The following NTNG1 variants were observed in gnomAD, a reference collection of about 807,000 sequenced individuals.
The protein encoded by NTNG1 is netrin G1, also known as netrin-G1.
A neutral mutation model predicts 54.0 loss-of-function variants in NTNG1; 16 were observed. That is an observed-to-expected ratio of 0.30 (90% CI 0.20 to 0.45). The LOEUF (loss-of-function observed/expected upper bound fraction) is 0.45. NTNG1 is among the 20% of genes least tolerant of loss of function. The pLI is 1.00. For synonymous variants in NTNG1, 255 were observed against 263.1 expected, an observed-to-expected ratio of 0.97 and a Z score of 0.30; for missense variants, 530 against 678.7, an observed-to-expected ratio of 0.78 and a Z score of 2.43.
intron 2 of NTNG1, among the ~76,000 whole-genome samples, chr1:107,193,584 A>C (rs1179293097): frequency 6.6e-6 from 1 of 151,956 alleles, no homozygotes; most frequent in Non-Finnish European, 1.5e-5. Context: ...AGTGTACTTA[A>C]TTATGTCCTC....
intron 4 of NTNG1, 135 bp downstream of exon 4, chr1:107,395,461 G>T (rs1343841896): frequency 1.2e-6 from 1 of 846,070 alleles, no homozygotes; most frequent in Admixed American, 1.7e-5. Flanking sequence ...GAAAGTTTCA[G>T]TCCCTATCTT....
At chr1:107,321,739 A>C (rs977044630) in intron 2 of NTNG1, among the ~76,000 whole-genome samples, 1 of 152,122 alleles carries the variant, frequency 6.6e-6, no homozygotes, top group Admixed American at 6.6e-5. Context: ...CTCCAAGACA[A>C]GAAGATTAGG....
chr1:107,364,630 C>T (rs1329328169), intron 3 of NTNG1, among the ~76,000 whole-genome samples: 1 of 152,184 alleles, frequency 6.6e-6, no homozygotes, highest in Non-Finnish European at 1.5e-5. Flanking sequence ...CAAAACTGCA[C>T]CCCTTGGTTT....
chr1:107,299,084 C>T (rs1356836015), intron 2 of NTNG1, among the ~76,000 whole-genome samples: 1 of 152,010 alleles, frequency 6.6e-6, no homozygotes, highest in Non-Finnish European at 1.5e-5. Context: ...TTTTAAAAAT[C>T]AGAAGAAGAA....
chr1:107,361,391 A>ATATATATATTTT (rs370815306), intron 3 of NTNG1, among the ~76,000 whole-genome samples: 13 of 87,972 alleles, frequency 1.5e-4, no homozygotes, highest in Middle Eastern at 0.011. Context: ...ATATATATAT[A>ATATATATATTTT]TTTTTTTTTT....
chr1:107,447,069 A>G (rs1272056800), intron 7 of NTNG1, among the ~76,000 whole-genome samples: 4 of 150,964 alleles, frequency 2.6e-5, no homozygotes, highest in Admixed American at 1.3e-4. Context: ...TTAACATTAC[A>G]TATTACAGAT....
intron 2 of NTNG1, among the ~76,000 whole-genome samples, chr1:107,303,199 A>G (rs1473307337): frequency 1.3e-5 from 2 of 152,220 alleles, no homozygotes; most frequent in Non-Finnish European, 2.9e-5. Flanking sequence ...TCACTTGAGT[A>G]GACCAGTGCA....
At position 107,470,736 on chromosome 1, in the gene NTNG1, A is replaced by G. The variant is rs180978138; in HGVS notation, c.1391-9875A>G. On this transcript the variant is annotated intron_variant, in intron 7 of 7. Transcript: ENST00000370068. ...GTGCATTTTCTGATACCTGATGAGA[A>G]AGTCTGTGACTTCTCAGCACCATTT... 2.7e-3 allele frequency among the ~76,000 whole-genome samples: 404 copies of G among 152,310 alleles called. 2 individuals are homozygous for G. The highest frequency in any genetic ancestry group is 4.1e-3 in the Non-Finnish European group (278 of 68,026).
intron 3 of NTNG1, among the ~76,000 whole-genome samples, chr1:107,393,503 A>G (rs1183867475): frequency 6.6e-6 from 1 of 152,024 alleles, no homozygotes; most frequent in African/African-American, 2.4e-5. Context: ...GAATATACAA[A>G]TGTTCATTTT....
At chr1:107,409,197 A>G (rs1673638591) in intron 5 of NTNG1, 1 of 152,166 alleles carries the variant, frequency 6.6e-6, no homozygotes, top group Non-Finnish European at 1.5e-5. Flanking sequence ...GCCTAACTGT[A>G]TATATACCCC....
chr1:107,453,114 C>T (rs1676720814), intron 7 of NTNG1, among the ~76,000 whole-genome samples: 1 of 152,134 alleles, frequency 6.6e-6, no homozygotes, highest in Admixed American at 6.6e-5. Flanking sequence ...TTCGGTGTCT[C>T]AACAGTGGTC....
chr1:107,438,867 T>A (rs1393842949), intron 7 of NTNG1, among the ~76,000 whole-genome samples: 3 of 152,208 alleles, frequency 2.0e-5, no homozygotes, highest in Admixed American at 2.0e-4. Context: ...CCCTGCCACA[T>A]ACAAATCATA....
At chr1:107,308,575 T>G (rs796789374) in intron 2 of NTNG1, among the ~76,000 whole-genome samples, 69 of 152,310 alleles carry the variant, frequency 4.5e-4, no homozygotes, top group African/African-American at 1.6e-3. Context: ...TAGTGTGAAG[T>G]CAAGTAGTGT....
chr1:107,141,125 G>C lies in NTNG1; in HGVS notation c.-541G>C, dbSNP rs959692590. The stretch of plus-strand genomic sequence containing the variant: ...GGGCGACTTGCAGGAGGCTCCCCCC[G>C]GGGGCGGAGGCGAAGGTAATTAAGC... On this transcript the variant is annotated 5_prime_UTR_variant, in exon 1 of 8. Coordinates refer to ENST00000370068, the MANE Select transcript of NTNG1 (RefSeq NM_001113226.3). 6.6e-6 allele frequency: 1 copy of C among 152,448 alleles called. No individual in the cohort carries two copies. The highest frequency in any genetic ancestry group is 1.5e-5 in the Non-Finnish European group (1 of 68,034). 9.4% of individuals were successfully genotyped at this position (152,448 alleles called of 1,614,324 possible). A position where few individuals can be genotyped will look rare whatever the true frequency, so the allele number is the denominator to read the frequency against.
Position 107,190,950 on chromosome 1 carries a change from G to A in NTNG1, c.246+42111G>A, listed in dbSNP as rs1270240267. 6.6e-5 allele frequency among the ~76,000 whole-genome samples: 10 copies of A among 152,240 alleles called. No individual in the cohort carries two copies. The East Asian group carries it at 1.9e-3, about 29-fold the overall frequency. On this transcript the variant is annotated intron_variant, in intron 2 of 7. Transcript: ENST00000370068. The stretch of plus-strand genomic sequence containing the variant: ...CCTTTGGGTATATACCCAGTAATGG[G>A]ATGGCTGGGTCAAATGGTATTTCTA...
intron 2 of NTNG1, among the ~76,000 whole-genome samples, chr1:107,244,541 A>G (rs1442604967): frequency 6.6e-6 from 1 of 152,150 alleles, no homozygotes; most frequent in Non-Finnish European, 1.5e-5. Context: ...TCAAGCTTTA[A>G]ATTTTTCCAC....
chr1:107,396,917 C>T (rs376295616), intron 4 of NTNG1, among the ~76,000 whole-genome samples: 1 of 152,306 alleles, frequency 6.6e-6, no homozygotes, highest in Non-Finnish European at 1.5e-5. Flanking sequence ...TCTATTCTAA[C>T]GTGACCTTGT....
chr1:107,255,808 C>A (rs1209459852), intron 2 of NTNG1, among the ~76,000 whole-genome samples: 1 of 152,126 alleles, frequency 6.6e-6, no homozygotes, highest in East Asian at 1.9e-4. Flanking sequence ...AAAATGAGCC[C>A]TGTTTTTCAT....
chr1:107,371,176 G>A (rs1670901051), intron 3 of NTNG1, among the ~76,000 whole-genome samples: 2 of 152,130 alleles, frequency 1.3e-5, no homozygotes, highest in East Asian at 1.9e-4. Context: ...AGAAATGGAT[G>A]TTGAGTTTTG....
Sources: allele counts gnomAD v4.1 joint callset (sites outside exome capture counted in the v4.1 genomes callset), GRCh38; gene constraint gnomAD v4.1.1; transcripts MANE v1.5; gene names NCBI Gene and HGNC (gene_info 2026-07-23, HGNC 2026-07-21).